The following PSMB7 variants were observed in gnomAD, a reference collection of about 807,000 sequenced individuals.
PSMB7 encodes proteasome 20S subunit beta 7.
A neutral mutation model predicts 28.1 loss-of-function variants in PSMB7; 5 were observed. The observed-to-expected ratio is 0.18, with a 90% confidence interval of 0.09 to 0.37. The LOEUF is 0.37. Ranked by LOEUF, PSMB7 falls within the 10% of genes least tolerant of loss-of-function variation. The pLI, the probability that PSMB7 is intolerant of heterozygous loss-of-function variation, is 1.00. For synonymous variants in PSMB7, 122 were observed against 123.7 expected (o/e 0.99, Z 0.09); for missense variants, 275 against 346.2 (o/e 0.79, Z 1.63).
At chr9:124,411,903 C>T (rs1831030784) in intron 4 of PSMB7, among the ~76,000 whole-genome samples, 1 of 151,750 alleles carries the variant, frequency 6.6e-6, no homozygotes, top group South Asian at 2.1e-4. Flanking sequence ...TTAATATTAT[C>T]ATACCCACTG....
chr9:124,406,459 G>A (rs894913616), intron 4 of PSMB7, among the ~76,000 whole-genome samples: 4 of 136,208 alleles, frequency 2.9e-5, no homozygotes, highest in Non-Finnish European at 4.5e-5. Context: ...CCATGTACAC[G>A]CCACTGCACT....
At chr9:124,382,220 TTTTTTG>T (rs1830674762) in intron 6 of PSMB7, among the ~76,000 whole-genome samples, 1 of 110,378 alleles carries the variant, frequency 9.1e-6, no homozygotes, top group Non-Finnish European at 2.0e-5. Flanking sequence ...TTTTTTTTTT[TTTTTTG>T]AGACAAAGTC....
intron 5 of PSMB7, among the ~76,000 whole-genome samples, chr9:124,386,946 T>C (rs982526818): frequency 6.6e-6 from 1 of 152,166 alleles, no homozygotes; most frequent in Non-Finnish European, 1.5e-5. Flanking sequence ...AATAATTATT[T>C]CTTTAAAACC....
At chr9:124,361,178 C>T (rs1017113368) in intron 6 of PSMB7, among the ~76,000 whole-genome samples, 2 of 152,188 alleles carry the variant, frequency 1.3e-5, no homozygotes, top group Non-Finnish European at 2.9e-5. Context: ...ATCAGTCCCC[C>T]GGGCCACCCC....
At chr9:124,368,076 T>C (rs967657986) in intron 6 of PSMB7, among the ~76,000 whole-genome samples, 2 of 152,254 alleles carry the variant, frequency 1.3e-5, no homozygotes, top group African/African-American at 4.8e-5. Context: ...CGGTGAGAAG[T>C]GTAAGTACCA....
intron 6 of PSMB7, among the ~76,000 whole-genome samples, chr9:124,382,325 A>G (rs1830675919): frequency 8.6e-6 from 1 of 116,058 alleles, no homozygotes; most frequent in African/African-American, 3.3e-5. Context: ...CTCCTTCCTC[A>G]GCCTCCCGAG....
chr9:124,389,091 G>A (rs1830757143), intron 5 of PSMB7, among the ~76,000 whole-genome samples: 1 of 152,198 alleles, frequency 6.6e-6, no homozygotes, highest in African/African-American at 2.4e-5. Flanking sequence ...CCTGGATAAG[G>A]TGTAAAGCAA....
rs116755811 is a variant in PSMB7 at position 124,355,600 on chromosome 9, C to A, written c.722+1164G>T. ...ACTTGGCTCCTGCCTACCTGGAGCTCGGCAAAGCCCGGTTCCCCAACACAG... is the reference window on the plus strand; with the variant it reads ...ACTTGGCTCCTGCCTACCTGGAGCTAGGCAAAGCCCGGTTCCCCAACACAG... On this transcript the variant is annotated intron_variant, in intron 7 of 7. Transcript: ENST00000259457. Among the ~76,000 whole-genome samples the A allele has an allele frequency of 2.1e-3, 326 of 152,356 alleles. 1 individual carries two copies. Among genetic ancestry groups the A allele is most frequent in the African/African-American group, 7.5e-3 (312 of 41,584 alleles).
chr9:124,394,697 A>T (rs1830823960), intron 5 of PSMB7, among the ~76,000 whole-genome samples: 1 of 152,230 alleles, frequency 6.6e-6, no homozygotes, highest in Admixed American at 6.5e-5. Context: ...AATTAGAATA[A>T]ATTAAGAACT....
chr9:124,370,076 C>T (rs566626221), intron 6 of PSMB7, among the ~76,000 whole-genome samples: 2 of 152,108 alleles, frequency 1.3e-5, no homozygotes, highest in Non-Finnish European at 2.9e-5. Context: ...GAAGGACCAC[C>T]GTCTATCAAC....
At chr9:124,365,019 A>C (rs1830493976) in intron 6 of PSMB7, among the ~76,000 whole-genome samples, 2 of 152,236 alleles carry the variant, frequency 1.3e-5, no homozygotes, top group South Asian at 4.1e-4. Flanking sequence ...AAGGAGATCC[A>C]AGGAAGTACA....
intron 6 of PSMB7, among the ~76,000 whole-genome samples, chr9:124,369,117 G>A (rs573823465): frequency 1.2e-4 from 19 of 152,264 alleles, no homozygotes; most frequent in African/African-American, 9.6e-5. Context: ...CAATGACGGC[G>A]AGAATGACCA....
chr9:124,360,851 A>T (rs1830459263), intron 6 of PSMB7, among the ~76,000 whole-genome samples: 3 of 152,240 alleles, frequency 2.0e-5, no homozygotes, highest in Admixed American at 2.0e-4. Context: ...ATTACTAACA[A>T]ATTAGAAATA....
chr9:124,376,725 G>T (rs1394311356), intron 6 of PSMB7, among the ~76,000 whole-genome samples: 1 of 152,262 alleles, frequency 6.6e-6, no homozygotes, highest in African/African-American at 2.4e-5. Flanking sequence ...CCTCCCTGTT[G>T]TGAAAGAATG....
intron 6 of PSMB7, among the ~76,000 whole-genome samples, chr9:124,365,357 T>C (rs901110976): frequency 6.6e-6 from 1 of 151,958 alleles, no homozygotes; most frequent in African/African-American, 2.4e-5. Flanking sequence ...CAGGGTCTTG[T>C]AATACAAGTG....
At chr9:124,399,051 A>T (rs116580124) in intron 5 of PSMB7, among the ~76,000 whole-genome samples, 1 of 2,808 alleles carries the variant, frequency 3.6e-4, no homozygotes, top group African/African-American at 4.4e-4. Flanking sequence ...TCACATTTAC[A>T]ACACTTTACA....
chr9:124,394,056 G>A (rs977986835), intron 5 of PSMB7, among the ~76,000 whole-genome samples: 4 of 152,212 alleles, frequency 2.6e-5, no homozygotes, highest in Non-Finnish European at 5.9e-5. Context: ...CTTTACTCAG[G>A]TCCATATTTC....
chr9:124,374,594 ACAGT>A (rs1378485784), intron 6 of PSMB7, among the ~76,000 whole-genome samples: 1 of 152,138 alleles, frequency 6.6e-6, no homozygotes, highest in Non-Finnish European at 1.5e-5. Flanking sequence ...GGAGGCTGAG[ACAGT>A]CAGATCACTG....
At chr9:124,387,262 A>G (rs1458907574) in intron 5 of PSMB7, among the ~76,000 whole-genome samples, 1 of 152,136 alleles carries the variant, frequency 6.6e-6, no homozygotes, top group African/African-American at 2.4e-5. Context: ...AAAAACAAAC[A>G]AACAAAAAAC....
Sources: gnomAD v4.1 joint callset for allele counts (sites outside exome capture counted in the v4.1 genomes callset) on GRCh38, gnomAD v4.1.1 for gene constraint, MANE v1.5 for transcripts, NCBI Gene and HGNC (gene_info 2026-07-23, HGNC 2026-07-21) for gene names.